Variants in LRCH1 observed in about 807,000 individuals in gnomAD.
LRCH1 encodes the protein leucine-rich repeat and calponin homology domain-containing protein 1.
LRCH1 carries 23 observed loss-of-function variants against 94.9 expected under a neutral mutation model. The ratio of observed to expected loss-of-function variants is 0.24; its 90% CI spans 0.17 to 0.34. LRCH1 has a LOEUF of 0.34. Ranked by LOEUF, LRCH1 falls within the 10% of genes least tolerant of loss-of-function variation. The pLI is 1.00. For missense variants in LRCH1, 790 were observed against 945.9 expected (o/e 0.84, Z 2.16); for synonymous variants, 364 against 354.9 (o/e 1.03, Z -0.29).
chr13:46,595,175 C>T (rs533918096), intron 1 of LRCH1, among the ~76,000 whole-genome samples: 53 of 152,290 alleles, frequency 3.5e-4, no homozygotes, highest in African/African-American at 1.2e-3. Context: ...CCATCGAGAA[C>T]CCTATTCTCC....
intron 19 of LRCH1, among the ~76,000 whole-genome samples, chr13:46,736,602 G>C (rs1315904962): frequency 6.6e-6 from 1 of 152,090 alleles, no homozygotes; most frequent in African/African-American, 2.4e-5. Context: ...CATTTTTAAA[G>C]ACCTAAAAAA....
intron 19 of LRCH1, among the ~76,000 whole-genome samples, chr13:46,734,597 T>C (rs190559975): frequency 8.9e-4 from 135 of 152,358 alleles, no homozygotes; most frequent in African/African-American, 3.0e-3. Context: ...CAATTACATA[T>C]AGTTTGCTAT....
chr13:46,559,638 T>A (rs1254095165), intron 1 of LRCH1, among the ~76,000 whole-genome samples: 1 of 152,238 alleles, frequency 6.6e-6, no homozygotes, highest in Non-Finnish European at 1.5e-5. Flanking sequence ...AAGGACATAC[T>A]AATCATGCTT....
rs577045402 is a variant in LRCH1, at chr13:46,700,316, A to G, written c.1314-805A>G. The stretch of plus-strand genomic sequence containing the variant: ...ACAGAAAGTCATTGGCTTACATTCT[A>G]TGGTGGGAAGGGCTTGCTGTGATCA... On this transcript the variant is annotated intron_variant, in intron 10 of 19. Coordinates refer to ENST00000389797, the MANE Select transcript of LRCH1 (RefSeq NM_001164211.2). Among the ~76,000 whole-genome samples, 27 of 152,228 alleles carry G rather than the reference A, an allele frequency of 1.8e-4. No homozygotes were observed. In the South Asian group the frequency reaches 2.5e-3, roughly 14 times the overall value.
chr13:46,559,439 C>T (rs7998647), intron 1 of LRCH1, among the ~76,000 whole-genome samples: 73,440 of 151,960 alleles, frequency 0.48, 19,778 homozygotes, highest in Middle Eastern at 0.6. Context: ...TTTTTCTTCC[C>T]TGTTAAGGTA....
intron 1 of LRCH1, among the ~76,000 whole-genome samples, chr13:46,645,272 AATTT>A (rs1157432626): frequency 6.6e-6 from 1 of 152,204 alleles, no homozygotes; most frequent in African/African-American, 2.4e-5. Flanking sequence ...GTCATTTTGT[AATTT>A]ATTTGTCTTA....
chr13:46,675,789 G>A (rs1048645497), intron 3 of LRCH1, among the ~76,000 whole-genome samples: 6 of 152,254 alleles, frequency 3.9e-5, no homozygotes, highest in South Asian at 4.2e-4. Context: ...CAGGGCTTGC[G>A]CAAGGCCCTC....
At chr13:46,603,896 A>G (rs540328054) in intron 1 of LRCH1, among the ~76,000 whole-genome samples, 6 of 152,254 alleles carry the variant, frequency 3.9e-5, no homozygotes, top group African/African-American at 1.2e-4. Context: ...GCCTCAAGCA[A>G]TCCTCCTGCC....
chr13:46,602,114 T>C (rs2050634720), intron 1 of LRCH1, among the ~76,000 whole-genome samples: 1 of 152,224 alleles, frequency 6.6e-6, no homozygotes, highest in African/African-American at 2.4e-5. Context: ...CCATTCTAGC[T>C]TGGTAACCTT....
At chr13:46,697,296 TTGG>T (rs1006377702) in intron 9 of LRCH1, among the ~76,000 whole-genome samples, 1 of 152,168 alleles carries the variant, frequency 6.6e-6, no homozygotes, top group African/African-American at 2.4e-5. Context: ...GCACACAACC[TTGG>T]TGTGTGTGTA....
chr13:46,585,874 T>C (rs1319511094), intron 1 of LRCH1, among the ~76,000 whole-genome samples: 1 of 152,118 alleles, frequency 6.6e-6, no homozygotes, highest in African/African-American at 2.4e-5. Flanking sequence ...TAAATCTTTG[T>C]AATTTTTTCT....
chr13:46,635,183 T>G (rs2138052382), intron 1 of LRCH1, among the ~76,000 whole-genome samples: 1 of 152,294 alleles, frequency 6.6e-6, no homozygotes, highest in African/African-American at 2.4e-5. Context: ...CAAGGGGGCT[T>G]TACTGCCACC....
At chr13:46,704,546 A>G (rs993019365) in intron 11 of LRCH1, among the ~76,000 whole-genome samples, 46 of 152,182 alleles carry the variant, frequency 3.0e-4, no homozygotes, top group African/African-American at 9.9e-4. Context: ...TCCTGGCTTT[A>G]TAGGTCTTTA....
chr13:46,567,965 G>A (rs1395594606), intron 1 of LRCH1, among the ~76,000 whole-genome samples: 1 of 152,102 alleles, frequency 6.6e-6, no homozygotes, highest in Non-Finnish European at 1.5e-5. Context: ...GGCAGCCTTG[G>A]TCTTTCTCAA....
chr13:46,697,565 G>A lies in LRCH1; in HGVS notation c.1246-1771G>A, dbSNP rs1189695339. Among the ~76,000 whole-genome samples, 3 of 152,132 alleles carry A rather than the reference G, an allele frequency of 2.0e-5. No individual in the cohort carries two copies. In the East Asian group the frequency reaches 5.8e-4, roughly 29 times the overall value. On this transcript the variant is annotated intron_variant, in intron 9 of 19. Transcript: ENST00000389797. ...GAAATCACCAACAAAAAACACAACA[G>A]TGTGAAAACATGGCACTAACTAGAC...
intron 18 of LRCH1, among the ~76,000 whole-genome samples, chr13:46,729,931 C>T (rs1873016325): frequency 6.6e-6 from 1 of 152,132 alleles, no homozygotes. Context: ...CTTAATGCGC[C>T]CCCAGATCCT....
Position 46,553,227 on chromosome 13 carries a change from T to TGC in LRCH1, c.-170_-169insGC. On this transcript the variant is annotated 5_prime_UTR_variant, in exon 1 of 20. Transcript: ENST00000389797. Reference sequence around the variant, plus strand: ...TCAAGACCGAGCTGCCACGGCCGCCTCCCCGCCCGCCCCCCATTCTACGCG... The same window carrying TGC: ...TCAAGACCGAGCTGCCACGGCCGCCTGCCCCCGCCCGCCCCCCATTCTACGCG... 1 of 414,406 alleles carries TGC rather than the reference T, an allele frequency of 2.4e-6. No homozygotes were observed. Among genetic ancestry groups the TGC allele is most frequent in the Non-Finnish European group, 4.4e-6 (1 of 225,712 alleles). 25.7% of individuals were successfully genotyped at this position (414,406 alleles called of 1,614,324 possible).
intron 13 of LRCH1, among the ~76,000 whole-genome samples, chr13:46,706,794 A>G (rs1871785205): frequency 6.6e-6 from 1 of 152,194 alleles, no homozygotes; most frequent in African/African-American, 2.4e-5. Flanking sequence ...AAAGCTTGCA[A>G]AAATGATAAT....
At chr13:46,566,313 CT>C (rs1017210794) in intron 1 of LRCH1, among the ~76,000 whole-genome samples, 2 of 152,002 alleles carry the variant, frequency 1.3e-5, no homozygotes, top group Non-Finnish European at 1.5e-5. Flanking sequence ...CAATTGTTAT[CT>C]TTTTTTTCCC....
Sources: gnomAD v4.1 joint callset for allele counts (sites outside exome capture counted in the v4.1 genomes callset) on GRCh38, gnomAD v4.1.1 for gene constraint, MANE v1.5 for transcripts, NCBI Gene and HGNC (gene_info 2026-07-23, HGNC 2026-07-21) for gene names.